ADAMTSL1: variants seen among roughly 807,000 people sequenced by gnomAD.
ADAMTSL1 encodes the protein ADAMTS like 1, also known as ADAMTS-like protein 1.
A neutral mutation model predicts 201.8 loss-of-function variants in ADAMTSL1; 126 were observed. The ratio of observed to expected loss-of-function variants is 0.62; its 90% confidence interval spans 0.54 to 0.72. The LOEUF (loss-of-function observed/expected upper bound fraction) is 0.72, where lower values mean the gene tolerates loss of function less well. Ranked by LOEUF, ADAMTSL1 falls within the 30% of genes least tolerant of loss-of-function variation. The pLI is 0.00. For missense variants in ADAMTSL1, 2,679 were observed against 2,277.8 expected, an observed-to-expected ratio of 1.18 and a Z score of -3.59; for synonymous variants, 1,121 against 903.4, an observed-to-expected ratio of 1.24 and a Z score of -4.32.
chr9:18,134,781 A>G (rs1385224091), intron 1 of ADAMTSL1, among the ~76,000 whole-genome samples: 1 of 152,212 alleles, frequency 6.6e-6, no homozygotes, highest in Non-Finnish European at 1.5e-5. Context: ...TTTGATCTTT[A>G]AAGTAGGAAA....
chr9:18,280,996 C>G (rs1358497227), intron 2 of ADAMTSL1, among the ~76,000 whole-genome samples: 2 of 151,808 alleles, frequency 1.3e-5, no homozygotes, highest in African/African-American at 4.8e-5. Flanking sequence ...CCGCCTCAGC[C>G]TCCTGAGTAG....
chr9:17,954,185 G>A (rs1325988835), intron 1 of ADAMTSL1, among the ~76,000 whole-genome samples: 2 of 152,198 alleles, frequency 1.3e-5, no homozygotes, highest in African/African-American at 4.8e-5. Context: ...CTGTGAGGAA[G>A]GGTAAAACTT....
chr9:18,803,303 C>A (rs1822915116), intron 20 of ADAMTSL1, among the ~76,000 whole-genome samples: 1 of 152,192 alleles, frequency 6.6e-6, no homozygotes, highest in African/African-American at 2.4e-5. Flanking sequence ...CCATTTCCAG[C>A]TTCTAGAAGC....
rs766448560 is a variant in ADAMTSL1, at chr9:18,887,887, C to A, written c.4306C>A (p.Pro1436Thr). Residue 1436 changes from proline to threonine, a missense_variant, in exon 24 of 29, where the codon CCA becomes ACA. Transcript: ENST00000380548. ...TATCACCTGGTTTCATGGTGGTCAG[C>A]CAATTGTCACTGCCACAGGACTGAC... Reference protein sequence around the residue: ...PNITWFHGGQPIVTATGLTHH... With the variant: ...PNITWFHGGQTIVTATGLTHH... 2.5e-6 allele frequency: 4 copies of A among 1,613,830 alleles called. No homozygotes were observed. Among genetic ancestry groups the A allele is most frequent in the Non-Finnish European group, 3.4e-6 (4 of 1,179,884 alleles).
At chr9:18,818,782 C>T (rs1824020201) in intron 21 of ADAMTSL1, among the ~76,000 whole-genome samples, 1 of 151,594 alleles carries the variant, frequency 6.6e-6, no homozygotes, top group African/African-American at 2.4e-5. Context: ...AGAGCGAGAC[C>T]CTATCTCAAA....
intron 7 of ADAMTSL1, among the ~76,000 whole-genome samples, chr9:18,641,525 A>C (rs1477832990): frequency 6.6e-6 from 1 of 151,942 alleles, no homozygotes; most frequent in African/African-American, 2.4e-5. Flanking sequence ...CTGGTCCAGA[A>C]CGCTTTTAAT....
chr9:18,710,662 T>A (rs1021949661), intron 14 of ADAMTSL1, among the ~76,000 whole-genome samples: 14 of 24,040 alleles, frequency 5.8e-4, no homozygotes, highest in Admixed American at 1.4e-3. Context: ...AGGGCCTAAG[T>A]TTTGTTTTGT....
intron 4 of ADAMTSL1, among the ~76,000 whole-genome samples, chr9:18,620,780 T>C (rs767194469): frequency 6.6e-6 from 1 of 152,154 alleles, no homozygotes; most frequent in East Asian, 1.9e-4. Flanking sequence ...CTCAGCACCA[T>C]GTTTTCCTGA....
intron 1 of ADAMTSL1, among the ~76,000 whole-genome samples, chr9:17,919,180 A>G (rs572103611): frequency 2.6e-5 from 4 of 151,870 alleles, no homozygotes; most frequent in African/African-American, 7.2e-5. Context: ...AAAAAAATCA[A>G]TGATAAGTAT....
At chr9:18,547,659 GT>G (rs1003247712) in intron 3 of ADAMTSL1, among the ~76,000 whole-genome samples, 4 of 136,896 alleles carry the variant, frequency 2.9e-5, no homozygotes, top group Non-Finnish European at 6.1e-5. Context: ...AAAAAAGACA[GT>G]TGCCAGTTGC....
At chr9:18,546,803 A>G (rs1008974700) in intron 3 of ADAMTSL1, among the ~76,000 whole-genome samples, 9 of 152,150 alleles carry the variant, frequency 5.9e-5, no homozygotes, top group African/African-American at 1.9e-4. Context: ...AAGCAGCCAG[A>G]TTTCCAGGCA....
chr9:18,349,070 C>G (rs761185228), intron 2 of ADAMTSL1, among the ~76,000 whole-genome samples: 2 of 152,134 alleles, frequency 1.3e-5, no homozygotes, highest in African/African-American at 2.4e-5. Flanking sequence ...ATACATTTTA[C>G]TAGTGGCAGA....
At chr9:18,869,245 C>A (rs1362767120) in intron 23 of ADAMTSL1, among the ~76,000 whole-genome samples, 1 of 152,236 alleles carries the variant, frequency 6.6e-6, no homozygotes, top group Non-Finnish European at 1.5e-5. Flanking sequence ...TCTCGGACTT[C>A]TAGCCTCCAG....
intron 25 of ADAMTSL1, among the ~76,000 whole-genome samples, chr9:18,891,153 C>T (rs988805825): frequency 6.6e-6 from 1 of 152,214 alleles, no homozygotes; most frequent in Non-Finnish European, 1.5e-5. Context: ...CATGCCTCTC[C>T]TGAAAGCCAG....
intron 2 of ADAMTSL1, among the ~76,000 whole-genome samples, chr9:18,514,250 G>T (rs1818221504): frequency 6.7e-6 from 1 of 149,500 alleles, no homozygotes; most frequent in Admixed American, 6.7e-5. Flanking sequence ...TGATGTGATT[G>T]TAAATGAGAC....
intron 1 of ADAMTSL1, among the ~76,000 whole-genome samples, chr9:18,062,767 C>T (rs1054755047): frequency 1.1e-4 from 17 of 152,112 alleles, no homozygotes; most frequent in African/African-American, 3.9e-4. Context: ...AATTCTAATG[C>T]TTTAGAAAAT....
chr9:18,162,348 T>C (rs1356670142), intron 1 of ADAMTSL1, among the ~76,000 whole-genome samples: 1 of 152,022 alleles, frequency 6.6e-6, no homozygotes, highest in Non-Finnish European at 1.5e-5. Context: ...TGTGATTACA[T>C]TGGGCCTACC....
At chr9:18,432,804 T>C (rs77451450) in intron 2 of ADAMTSL1, among the ~76,000 whole-genome samples, 13,344 of 152,222 alleles carry the variant, frequency 0.088, 722 homozygotes, top group Middle Eastern at 0.17. Context: ...TTATTTGTAG[T>C]ACGATGGTTC....
chr9:18,248,572 C>T (rs1187696188), intron 2 of ADAMTSL1, among the ~76,000 whole-genome samples: 1 of 152,150 alleles, frequency 6.6e-6, no homozygotes, highest in African/African-American at 2.4e-5. Context: ...AACTCTTCAA[C>T]CAAAGCAATG....
Sources: gnomAD v4.1 joint callset for allele counts (sites outside exome capture counted in the v4.1 genomes callset) on GRCh38, gnomAD v4.1.1 for gene constraint, MANE v1.5 for transcripts, NCBI Gene and HGNC (gene_info 2026-07-23, HGNC 2026-07-21) for gene names.